The following CSMD1 variants were observed in gnomAD, a reference collection of about 807,000 sequenced individuals.
CSMD1 encodes the protein CUB and sushi domain-containing protein 1.
CSMD1 carries 213 observed loss-of-function variants against 417.5 expected under a neutral mutation model. The observed-to-expected ratio is 0.51, with a 90% CI of 0.46 to 0.57. The LOEUF (loss-of-function observed/expected upper bound fraction) is 0.57, where lower values mean the gene tolerates loss of function less well. Ranked by LOEUF, CSMD1 falls within the 20% of genes least tolerant of loss-of-function variation. The probability of loss-of-function intolerance (pLI) is 0.00; values close to 1 mark genes in which losing one functional copy is unlikely to be tolerated. For synonymous variants in CSMD1, 2,862 were observed against 1,736.8 expected, an observed-to-expected ratio of 1.65 and a Z score of -16.11; for missense variants, 6,923 against 4,529.7, an observed-to-expected ratio of 1.53 and a Z score of -15.17.
intron 37 of CSMD1, among the ~76,000 whole-genome samples, chr8:3,174,594 G>C (rs1203917203): frequency 6.6e-6 from 1 of 152,114 alleles, no homozygotes; most frequent in Non-Finnish European, 1.5e-5. Context: ...AAACCTTTTA[G>C]AATATAGAAC....
chr8:4,537,834 G>C (rs183663462), intron 2 of CSMD1, among the ~76,000 whole-genome samples: 270 of 152,258 alleles, frequency 1.8e-3, no homozygotes, highest in South Asian at 5.0e-3. Flanking sequence ...GTAAGATCCA[G>C]CAGAAGCAGC....
chr8:3,397,119 C>A (rs1811752483), intron 16 of CSMD1, among the ~76,000 whole-genome samples: 1 of 152,090 alleles, frequency 6.6e-6, no homozygotes, highest in Non-Finnish European at 1.5e-5. Flanking sequence ...AGGTACCACT[C>A]CAGGCACGGA....
At chr8:3,030,708 C>T (rs1463434990) in intron 50 of CSMD1, among the ~76,000 whole-genome samples, 4 of 152,034 alleles carry the variant, frequency 2.6e-5, no homozygotes, top group African/African-American at 9.7e-5. Context: ...TGCTCTTGAA[C>T]TCCTGACCTC....
intron 1 of CSMD1, among the ~76,000 whole-genome samples, chr8:4,668,119 G>C (rs1490610868): frequency 6.6e-6 from 1 of 152,040 alleles, no homozygotes; most frequent in Admixed American, 6.6e-5. Context: ...AGCAGATATT[G>C]CCTCGTATCA....
intron 26 of CSMD1, among the ~76,000 whole-genome samples, chr8:3,281,197 C>G (rs1193751058): frequency 6.6e-6 from 1 of 152,108 alleles, no homozygotes; most frequent in Admixed American, 6.5e-5. Context: ...AATCCCAGCA[C>G]TTTGGGAGGC....
chr8:3,007,263 G>C (rs1323158984), intron 52 of CSMD1, among the ~76,000 whole-genome samples: 3 of 151,426 alleles, frequency 2.0e-5, no homozygotes, highest in African/African-American at 7.4e-5. Context: ...TCATTAAAAA[G>C]TCAGGAAACA....
chr8:3,751,360 A>C (rs1797333314), intron 6 of CSMD1, among the ~76,000 whole-genome samples: 1 of 148,250 alleles, frequency 6.7e-6, no homozygotes. Flanking sequence ...ACACATCTAC[A>C]TCTATATATA....
chr8:4,416,684 G>A (rs1375173322), intron 3 of CSMD1, among the ~76,000 whole-genome samples: 1 of 152,018 alleles, frequency 6.6e-6, no homozygotes. Context: ...ATTTTTAGAT[G>A]ACCGTGTATC....
intron 3 of CSMD1, among the ~76,000 whole-genome samples, chr8:4,237,742 G>A (rs73186177): frequency 0.04 from 6,038 of 152,086 alleles, 139 homozygotes; most frequent in East Asian, 0.088. Context: ...CAAATTCTTG[G>A]GCTCAAGTGA....
At chr8:4,672,494 T>C (rs1260428054) in intron 1 of CSMD1, among the ~76,000 whole-genome samples, 3 of 152,140 alleles carry the variant, frequency 2.0e-5, no homozygotes, top group East Asian at 1.9e-4. Flanking sequence ...ATATTACTGA[T>C]GAAAAAAAGC....
intron 7 of CSMD1, among the ~76,000 whole-genome samples, chr8:3,632,117 A>T (rs1386255327): frequency 6.6e-6 from 1 of 152,198 alleles, no homozygotes; most frequent in African/African-American, 2.4e-5. Flanking sequence ...AAAATTGAGC[A>T]AACATTTTCT....
At chr8:3,026,335 C>G (rs886242612) in intron 51 of CSMD1, among the ~76,000 whole-genome samples, 23 of 152,196 alleles carry the variant, frequency 1.5e-4, no homozygotes, top group Non-Finnish European at 3.2e-4. Flanking sequence ...CCTCACTGGA[C>G]CTCGCTGGAT....
At chr8:4,442,751 G>C (rs540111877) in intron 2 of CSMD1, among the ~76,000 whole-genome samples, 34 of 152,102 alleles carry the variant, frequency 2.2e-4, no homozygotes, top group Admixed American at 1.2e-3. Context: ...TTTTATGTTT[G>C]CATATAATCC....
chr8:4,145,716 T>C (rs373336945), intron 3 of CSMD1, among the ~76,000 whole-genome samples: 1 of 150,914 alleles, frequency 6.6e-6, no homozygotes, highest in Non-Finnish European at 1.5e-5. Context: ...ATGAAGAACA[T>C]ATATTTGACT....
chr8:4,440,630 A>G (rs1692999617), intron 2 of CSMD1, among the ~76,000 whole-genome samples: 1 of 152,248 alleles, frequency 6.6e-6, no homozygotes, highest in Non-Finnish European at 1.5e-5. Context: ...ATGCAATGAT[A>G]GGGAAGAAAA....
At chr8:4,004,388 G>A (rs1252002752) in intron 4 of CSMD1, among the ~76,000 whole-genome samples, 13 of 145,110 alleles carry the variant, frequency 9.0e-5, no homozygotes, top group Admixed American at 8.9e-4. Flanking sequence ...AGATGCTGTT[G>A]TTTTTGTTTT....
chr8:4,468,639 A>AT (rs1304778735), intron 2 of CSMD1, among the ~76,000 whole-genome samples: 1 of 152,200 alleles, frequency 6.6e-6, no homozygotes, highest in Admixed American at 6.5e-5. Context: ...AAAATGGTCC[A>AT]TATCCTACTA....
intron 3 of CSMD1, among the ~76,000 whole-genome samples, chr8:4,143,820 C>A (rs13255516): frequency 0.31 from 46,202 of 150,848 alleles, 8,818 homozygotes; most frequent in Non-Finnish European, 0.4. Context: ...CCTAGTTACA[C>A]AGTTTTCTGG....
intron 3 of CSMD1, among the ~76,000 whole-genome samples, chr8:4,290,387 G>A (rs150578105): frequency 2.0e-5 from 3 of 152,296 alleles, no homozygotes; most frequent in African/African-American, 4.8e-5. Flanking sequence ...AAAGACGTAG[G>A]AAGTGGTAAA....
Sources: allele counts gnomAD v4.1 joint callset (sites outside exome capture counted in the v4.1 genomes callset), GRCh38; gene constraint gnomAD v4.1.1; transcripts MANE v1.5; gene names NCBI Gene and HGNC (gene_info 2026-07-23, HGNC 2026-07-21).